Variants in COL5A2 observed in about 807,000 individuals in gnomAD.
The protein encoded by COL5A2 is collagen type V alpha 2 chain, also known as collagen alpha-2(V) chain.
In COL5A2, 23 loss-of-function variants were observed where a neutral mutation model predicts 208.2. The observed-to-expected ratio is 0.11, with a 90% CI of 0.08 to 0.16. COL5A2 has a LOEUF of 0.16. Among genes scored for constraint, COL5A2 ranks in the 10% least tolerant of loss-of-function variants. The pLI is 1.00. For missense variants in COL5A2, 1,590 were observed against 1,956.4 expected (o/e 0.81, Z 3.53); for synonymous variants, 625 against 628.5 (o/e 0.99, Z 0.08).
chr2:189,323,234 G>A, the COL5A2 span, among the ~76,000 whole-genome samples: 3 of 152,184 alleles, frequency 2.0e-5, no homozygotes, highest in South Asian at 6.2e-4. Context: ...GGCAAAAACT[G>A]GGAGCATTCC....
the COL5A2 span, among the ~76,000 whole-genome samples, chr2:189,327,245 A>C: frequency 6.6e-6 from 1 of 152,176 alleles, no homozygotes; most frequent in Non-Finnish European, 1.5e-5. Context: ...CTTAAAACAT[A>C]GGCTTTCTCC....
chr2:189,057,893 T>C (rs1685935796), intron 33 of COL5A2, among the ~76,000 whole-genome samples: 1 of 152,228 alleles, frequency 6.6e-6, no homozygotes, highest in Admixed American at 6.5e-5. Context: ...TCATGTCACA[T>C]GACCATGAAA....
At chr2:189,211,284 G>A (rs1284053159) in intron 1 of COL5A2, among the ~76,000 whole-genome samples, 3 of 152,156 alleles carry the variant, frequency 2.0e-5, no homozygotes, top group South Asian at 4.2e-4. Flanking sequence ...CTATAATGAC[G>A]TTCACTAAAT....
In COL5A2 at chr2:189,052,741, A is replaced by G; in HGVS notation, c.2715+8T>C. The G allele has an allele frequency of 6.2e-7, 1 of 1,613,928 alleles. No homozygotes were observed. The highest frequency in any genetic ancestry group is 8.5e-7 in the Non-Finnish European group (1 of 1,179,796). On this transcript the variant is annotated splice_region_variant and intron_variant, in intron 40 of 53. Coordinates refer to ENST00000374866, the MANE Select transcript of COL5A2 (RefSeq NM_000393.5). ...GTGCATACTTTGCAGAGCATCAAAT[A>G]AACTTACAGGCGGACCTTGGGTTCC...
chr2:189,130,999 C>T (rs1249927183), intron 1 of COL5A2, among the ~76,000 whole-genome samples: 1 of 152,000 alleles, frequency 6.6e-6, no homozygotes, highest in Admixed American at 6.6e-5. Context: ...ACTAACCATA[C>T]AATATGTCTA....
intron 1 of COL5A2, among the ~76,000 whole-genome samples, chr2:189,178,987 A>G (rs1333972965): frequency 3.9e-5 from 6 of 152,350 alleles, no homozygotes; most frequent in Middle Eastern, 3.4e-3. Flanking sequence ...AAAGAAGTTT[A>G]AATTGTTAAA....
chr2:189,279,951 TGAGGGTG>T, the COL5A2 span, among the ~76,000 whole-genome samples: 1 of 152,112 alleles, frequency 6.6e-6, no homozygotes, highest in Non-Finnish European at 1.5e-5. Flanking sequence ...CATTAGGTCA[TGAGGGTG>T]GAGCCCTCAT....
chr2:189,356,782 G>A, the COL5A2 span, among the ~76,000 whole-genome samples: 7 of 152,228 alleles, frequency 4.6e-5, no homozygotes, highest in East Asian at 3.9e-4. Flanking sequence ...CCTTGCTGGC[G>A]AGGAGTTGTG....
At chr2:189,236,934 G>A in the COL5A2 span, among the ~76,000 whole-genome samples, 1 of 151,798 alleles carries the variant, frequency 6.6e-6, no homozygotes, top group East Asian at 1.9e-4. Context: ...TAAACAGTAT[G>A]TATTACTCCA....
chr2:189,195,060 T>C (rs909436096), intron 1 of COL5A2, among the ~76,000 whole-genome samples: 5 of 152,174 alleles, frequency 3.3e-5, no homozygotes, highest in African/African-American at 1.2e-4. Context: ...TGATTCTCTA[T>C]TTAGAAAACC....
chr2:189,096,234 A>G (rs1483907486), intron 6 of COL5A2: 1 of 152,180 alleles, frequency 6.6e-6, no homozygotes, highest in Admixed American at 6.5e-5. Context: ...AAGGATAAAA[A>G]TCTACTGAGA....
the COL5A2 span, among the ~76,000 whole-genome samples, chr2:189,396,508 C>T: frequency 1.3e-5 from 2 of 151,098 alleles, no homozygotes; most frequent in Non-Finnish European, 2.9e-5. Flanking sequence ...CCCGTCTCTA[C>T]TAAAAATACA....
the COL5A2 span, among the ~76,000 whole-genome samples, chr2:189,398,671 A>C: frequency 6.6e-6 from 1 of 152,110 alleles, no homozygotes; most frequent in Non-Finnish European, 1.5e-5. Flanking sequence ...TTAACCTCTG[A>C]GTAGCAGAGC....
chr2:189,135,484 A>C (rs1309384618), intron 1 of COL5A2, among the ~76,000 whole-genome samples: 4 of 152,166 alleles, frequency 2.6e-5, no homozygotes, highest in African/African-American at 9.7e-5. Flanking sequence ...GACAAATCCT[A>C]CTTCTCTGTG....
In COL5A2 at chr2:189,032,103, T is replaced by C. The variant is rs189204325; in HGVS notation, c.*1967A>G. Reference sequence around the variant, plus strand: ...ATTTAGGCATATAAATACTCAAATTTAAGATATACAGGTCAAAATATAACC... The same window carrying C: ...ATTTAGGCATATAAATACTCAAATTCAAGATATACAGGTCAAAATATAACC... On this transcript the variant is annotated 3_prime_UTR_variant, in exon 54 of 54. Coordinates refer to ENST00000374866, the MANE Select transcript of COL5A2 (RefSeq NM_000393.5). 1 of 152,256 alleles carries C rather than the reference T, an allele frequency of 6.6e-6. No homozygotes were observed. The highest frequency in any genetic ancestry group is 1.9e-4 in the East Asian group (1 of 5,186). The allele number at this position is 152,256 out of a possible 1,614,324, so 9.4% of individuals were successfully genotyped here.
At chr2:189,397,517 A>G in the COL5A2 span, among the ~76,000 whole-genome samples, 4 of 152,194 alleles carry the variant, frequency 2.6e-5, no homozygotes, top group African/African-American at 9.6e-5. Context: ...TAATGAATCC[A>G]AGAGGATTAA....
At chr2:189,321,186 C>T in the COL5A2 span, among the ~76,000 whole-genome samples, 10 of 152,318 alleles carry the variant, frequency 6.6e-5, no homozygotes, top group Admixed American at 2.6e-4. Flanking sequence ...TGGAGAGGAA[C>T]AACCAGTACC....
the COL5A2 span, among the ~76,000 whole-genome samples, chr2:189,302,876 G>A: frequency 6.6e-6 from 1 of 152,050 alleles, no homozygotes; most frequent in Non-Finnish European, 1.5e-5. Flanking sequence ...ACTTTACTTC[G>A]TAATGGCCCC....
At chr2:189,157,809 T>C (rs1688283728) in intron 1 of COL5A2, among the ~76,000 whole-genome samples, 1 of 152,058 alleles carries the variant, frequency 6.6e-6, no homozygotes, top group African/African-American at 2.4e-5. Context: ...TTACTATCAA[T>C]GAAATCACTG....
Sources: gnomAD v4.1 joint callset for allele counts (sites outside exome capture counted in the v4.1 genomes callset) on GRCh38, gnomAD v4.1.1 for gene constraint, MANE v1.5 for transcripts, NCBI Gene and HGNC (gene_info 2026-07-23, HGNC 2026-07-21) for gene names.